Variants in CTNND2 observed in about 807,000 individuals in gnomAD.
CTNND2 encodes catenin delta-2.
CTNND2 carries 22 observed loss-of-function variants against 144.4 expected under a neutral mutation model. The ratio of observed to expected loss-of-function variants is 0.15; its 90% CI spans 0.11 to 0.22. The LOEUF (loss-of-function observed/expected upper bound fraction) is 0.22. CTNND2 is among the 10% of genes least tolerant of loss of function. The probability of loss-of-function intolerance (pLI) is 1.00; values close to 1 mark genes in which losing one functional copy is unlikely to be tolerated. For missense variants in CTNND2, 1,353 were observed against 1,618.8 expected (o/e 0.84, Z 2.82); for synonymous variants, 751 against 695.6 (o/e 1.08, Z -1.25).
intron 14 of CTNND2, among the ~76,000 whole-genome samples, chr5:11,103,013 A>C: frequency 9.3e-6 from 1 of 108,008 alleles, no homozygotes; most frequent in African/African-American, 3.6e-5. Flanking sequence ...ACAGAGTCTC[A>C]CTCTGTCACC....
intron 1 of CTNND2, among the ~76,000 whole-genome samples, chr5:11,769,744 T>C (rs1200448582): frequency 2.6e-5 from 4 of 152,198 alleles, no homozygotes; most frequent in African/African-American, 9.7e-5. Flanking sequence ...AGCCATTCAG[T>C]TGAAATCATT....
At chr5:11,018,911 G>A (rs2149533671) in intron 17 of CTNND2, among the ~76,000 whole-genome samples, 1 of 152,148 alleles carries the variant, frequency 6.6e-6, no homozygotes, top group Non-Finnish European at 1.5e-5. Flanking sequence ...GTTTCACCAT[G>A]TTGGTCAGGC....
chr5:10,975,080 A>G (rs1736283265), intron 21 of CTNND2, among the ~76,000 whole-genome samples: 1 of 152,200 alleles, frequency 6.6e-6, no homozygotes. Context: ...AGAGCTAACA[A>G]AGGATGAGAG....
At chr5:11,575,689 C>G (rs1487972782) in intron 2 of CTNND2, among the ~76,000 whole-genome samples, 1 of 152,096 alleles carries the variant, frequency 6.6e-6, no homozygotes, top group Non-Finnish European at 1.5e-5. Flanking sequence ...TCGACTTGAC[C>G]TGGTAACAGC....
chr5:11,389,320 T>C (rs961848696), intron 6 of CTNND2, among the ~76,000 whole-genome samples: 51 of 152,348 alleles, frequency 3.3e-4, no homozygotes, highest in African/African-American at 1.1e-3. Context: ...AGGTAGAGTA[T>C]GGTGCACATT....
chr5:11,902,975 C>A (rs1001925847), intron 1 of CTNND2: 1 of 158,192 alleles, frequency 6.3e-6, no homozygotes, highest in Non-Finnish European at 1.4e-5. Context: ...AGGGAGGCTG[C>A]ATCACCTTTC....
At chr5:10,980,716 C>T (rs935511672) in intron 21 of CTNND2, among the ~76,000 whole-genome samples, 2 of 152,024 alleles carry the variant, frequency 1.3e-5, no homozygotes, top group African/African-American at 4.8e-5. Flanking sequence ...TACTATGCAG[C>T]CATAAAAAAA....
In CTNND2 at chr5:10,992,570, C is replaced by T; in HGVS notation, c.3192G>A (p.Val1064=). The T allele has an allele frequency of 6.2e-7, 1 of 1,614,062 alleles. No homozygotes were observed. The highest frequency in any genetic ancestry group is 1.3e-5 in the African/African-American group (1 of 75,034). The change falls in exon 19 of 22, where the codon GTG becomes GTA. Residue 1064 remains valine, a synonymous_variant. Coordinates refer to ENST00000304623, the MANE Select transcript of CTNND2 (RefSeq NM_001332.4). ...SRTPSISPVR[V]SPNNRSASAP... ...TCTTACCTGAGCGGTTGTTGGGAGA[C>T]ACGCGCACAGGGGAGATGGAGGGCG... is the stretch of plus-strand genomic sequence containing the variant.
chr5:11,344,932 T>G lies in CTNND2; in HGVS notation c.1628+1440A>C, dbSNP rs7730726. 6.1e-3 allele frequency among the ~76,000 whole-genome samples: 923 copies of G among 152,324 alleles called. 8 individuals carry two copies. Among genetic ancestry groups the G allele is most frequent in the African/African-American group, 0.021 (888 of 41,558 alleles). On this transcript the variant is annotated intron_variant, in intron 9 of 21. Transcript: ENST00000304623. The stretch of plus-strand genomic sequence containing the variant: ...AGCTAGAGAAATATAATTTGGTTTC[T>G]TATTAAGCTAAATTCCTAATATGAA...
intron 3 of CTNND2, among the ~76,000 whole-genome samples, chr5:11,485,044 T>C (rs1236871181): frequency 1.3e-5 from 2 of 151,922 alleles, no homozygotes; most frequent in Non-Finnish European, 2.9e-5. Flanking sequence ...CAAAAAAAAA[T>C]GTGGTTTCAT....
chr5:11,157,668 A>T (rs912447801), intron 12 of CTNND2, among the ~76,000 whole-genome samples: 35 of 152,250 alleles, frequency 2.3e-4, no homozygotes, highest in Admixed American at 7.2e-4. Context: ...TGGAAAAATG[A>T]AGAATGTAAA....
intron 12 of CTNND2, among the ~76,000 whole-genome samples, chr5:11,133,927 C>A (rs1394480669): frequency 6.6e-6 from 1 of 152,182 alleles, no homozygotes; most frequent in Non-Finnish European, 1.5e-5. Flanking sequence ...CTAAAGACAT[C>A]TCTCCAAGAT....
intron 9 of CTNND2, among the ~76,000 whole-genome samples, chr5:11,255,219 A>G (rs1268744523): frequency 2.0e-5 from 3 of 152,230 alleles, no homozygotes; most frequent in Non-Finnish European, 4.4e-5. Flanking sequence ...GGACTGAATT[A>G]ACAATTCCTG....
intron 3 of CTNND2, among the ~76,000 whole-genome samples, chr5:11,417,937 C>T (rs73742835): frequency 0.2 from 30,443 of 152,006 alleles, 6,557 homozygotes; most frequent in African/African-American, 0.54. Flanking sequence ...AATAATATGA[C>T]TACATATCAT....
intron 1 of CTNND2, among the ~76,000 whole-genome samples, chr5:11,780,432 G>A (rs1291711142): frequency 6.6e-6 from 1 of 152,152 alleles, no homozygotes; most frequent in Non-Finnish European, 1.5e-5. Flanking sequence ...ACCTTAGAAA[G>A]ACTGGAGGGA....
At chr5:11,284,142 G>A (rs1236856015) in intron 9 of CTNND2, among the ~76,000 whole-genome samples, 2 of 152,212 alleles carry the variant, frequency 1.3e-5, no homozygotes, top group Non-Finnish European at 2.9e-5. Flanking sequence ...TTCTGGTCAT[G>A]TGAATTCTTC....
chr5:11,113,449 A>T (rs1580323051), intron 13 of CTNND2, among the ~76,000 whole-genome samples: 1 of 152,120 alleles, frequency 6.6e-6, no homozygotes, highest in Non-Finnish European at 1.5e-5. Flanking sequence ...GCTGTGACTG[A>T]GACAGTATGG....
intron 11 of CTNND2, among the ~76,000 whole-genome samples, chr5:11,188,951 T>C (rs1294034163): frequency 6.6e-6 from 1 of 152,234 alleles, no homozygotes; most frequent in Non-Finnish European, 1.5e-5. Context: ...TTGATTTTTC[T>C]TCACAGCACT....
intron 11 of CTNND2, among the ~76,000 whole-genome samples, chr5:11,180,196 G>T (rs531294408): frequency 6.6e-6 from 1 of 152,150 alleles, no homozygotes; most frequent in African/African-American, 2.4e-5. Flanking sequence ...AGATCCAGTG[G>T]TTTTAAAGTG....
Sources: allele counts gnomAD v4.1 joint callset (sites outside exome capture counted in the v4.1 genomes callset), GRCh38; gene constraint gnomAD v4.1.1; transcripts MANE v1.5; gene names NCBI Gene and HGNC (gene_info 2026-07-23, HGNC 2026-07-21).